Variants in PLCG2 observed in about 807,000 individuals in gnomAD.
PLCG2 encodes phospholipase C gamma 2, also known as 1-phosphatidylinositol 4,5-bisphosphate phosphodiesterase gamma-2.
PLCG2 carries 69 observed loss-of-function variants against 175.6 expected under a neutral mutation model. That is an observed-to-expected ratio of 0.39 (90% CI 0.32 to 0.48). PLCG2 has a LOEUF of 0.48. PLCG2 is among the 20% of genes least tolerant of loss of function. The probability of loss-of-function intolerance (pLI) is 0.91; values close to 1 mark genes in which losing one functional copy is unlikely to be tolerated. For synonymous variants in PLCG2, 827 were observed against 624.0 expected (o/e 1.33, Z -4.85); for missense variants, 1,798 against 1,650.9 (o/e 1.09, Z -1.54).
At chr16:81,795,223 A>G (rs139764162) in intron 2 of PLCG2, among the ~76,000 whole-genome samples, 390 of 152,326 alleles carry the variant, frequency 2.6e-3, no homozygotes, top group African/African-American at 9.0e-3. Context: ...GGATCGTGAT[A>G]GACGCTAGGA....
intron 2 of PLCG2, among the ~76,000 whole-genome samples, chr16:81,759,445 G>T (rs1341815830): frequency 1.3e-5 from 2 of 152,040 alleles, no homozygotes; most frequent in East Asian, 3.9e-4. Flanking sequence ...GGTAATATCT[G>T]CACTGCTGCA....
intron 1 of PLCG2, among the ~76,000 whole-genome samples, chr16:81,750,237 A>G (rs111423823): frequency 0.033 from 5,061 of 152,086 alleles, 277 homozygotes; most frequent in African/African-American, 0.12. Context: ...GTGAAATTCC[A>G]TCTCTGCTAA....
intron 2 of PLCG2, among the ~76,000 whole-genome samples, chr16:81,764,169 C>T (rs1218226873): frequency 6.6e-6 from 1 of 151,834 alleles, no homozygotes; most frequent in Non-Finnish European, 1.5e-5. Context: ...TGGTGTGAGC[C>T]TGTATCCCTA....
chr16:81,912,033 A>G (rs541092708), intron 18 of PLCG2, among the ~76,000 whole-genome samples: 1 of 151,970 alleles, frequency 6.6e-6, no homozygotes, highest in South Asian at 2.1e-4. Context: ...TCCTGACCTC[A>G]TGATCCACCC....
intron 9 of PLCG2, among the ~76,000 whole-genome samples, chr16:81,884,299 C>T (rs552189514): frequency 6.6e-5 from 10 of 151,822 alleles, no homozygotes; most frequent in Admixed American, 4.6e-4. Flanking sequence ...TGCAGTGAGC[C>T]GAGATTGCGC....
At chr16:81,756,254 C>G (rs1323223613) in intron 2 of PLCG2, among the ~76,000 whole-genome samples, 1 of 152,256 alleles carries the variant, frequency 6.6e-6, no homozygotes, top group Non-Finnish European at 1.5e-5. Flanking sequence ...GCCACTGCCC[C>G]CTACCGCCTT....
intron 12 of PLCG2, 41 bp downstream of exon 12, chr16:81,893,835 A>G (rs1908754387): frequency 7.8e-7 from 1 of 1,276,458 alleles, no homozygotes. Context: ...CTCGCAGCAA[A>G]TTGAGGATAA....
chr16:81,929,844 G>T (rs1667442440), intron 24 of PLCG2, among the ~76,000 whole-genome samples: 1 of 152,248 alleles, frequency 6.6e-6, no homozygotes, highest in Non-Finnish European at 1.5e-5. Flanking sequence ...TTGGGCAGGG[G>T]GGTGCAGGAT....
intron 2 of PLCG2, among the ~76,000 whole-genome samples, chr16:81,758,096 C>G (rs1009957391): frequency 6.6e-6 from 1 of 152,188 alleles, no homozygotes; most frequent in African/African-American, 2.4e-5. Flanking sequence ...CCACCTCAGC[C>G]TCCTGAGTAA....
At chr16:81,760,684 G>A (rs988300261) in intron 2 of PLCG2, among the ~76,000 whole-genome samples, 3 of 151,098 alleles carry the variant, frequency 2.0e-5, no homozygotes, top group African/African-American at 7.3e-5. Flanking sequence ...GTCAAGGTGG[G>A]AGGATCACTT....
chr16:81,823,692 AT>A (rs546942391), intron 2 of PLCG2, among the ~76,000 whole-genome samples: 55 of 144,886 alleles, frequency 3.8e-4, no homozygotes, highest in Non-Finnish European at 5.3e-4. Flanking sequence ...TGCCCAGCTA[AT>A]TTTTTTTTTT....
intron 31 of PLCG2, among the ~76,000 whole-genome samples, chr16:81,951,959 A>G (rs1439894429): frequency 6.6e-6 from 1 of 152,172 alleles, no homozygotes; most frequent in African/African-American, 2.4e-5. Flanking sequence ...TTTTAAAGAG[A>G]CTGATGTTTA....
chr16:81,877,501 T>G (rs1907856893), intron 7 of PLCG2, among the ~76,000 whole-genome samples: 1 of 152,194 alleles, frequency 6.6e-6, no homozygotes. Flanking sequence ...CTCACTGTAC[T>G]GGAGGTTAAA....
rs1244159371 is a variant in PLCG2, at chr16:81,905,359, T to A, written c.1363-44T>A. 5 of 1,406,588 alleles carry A rather than the reference T, an allele frequency of 3.6e-6. No homozygotes were observed. In the Admixed American group the frequency reaches 8.7e-5, roughly 24 times the overall value. 87.1% of individuals were successfully genotyped at this position (1,406,588 alleles called of 1,614,324 possible). A position where few individuals can be genotyped will look rare whatever the true frequency, so the allele number is the denominator to read the frequency against. On this transcript the variant is annotated intron_variant, in intron 14 of 32. Transcript: ENST00000564138. ...AGGCTGCTGGCTCAAAGGCCTAAAC[T>A]TGGGTCTCCATGGAGACAGCCTATG...
chr16:81,957,508 G>T (rs1911622301), intron 32 of PLCG2, among the ~76,000 whole-genome samples: 1 of 152,104 alleles, frequency 6.6e-6, no homozygotes, highest in African/African-American at 2.4e-5. Context: ...CCAAGAATGG[G>T]CTAGTCCAGC....
intron 1 of PLCG2, among the ~76,000 whole-genome samples, chr16:81,782,300 C>G (rs917156987): frequency 9.3e-5 from 14 of 151,052 alleles, no homozygotes; most frequent in African/African-American, 3.2e-4. Context: ...TCAAACTCAG[C>G]CATATTTGTA....
chr16:81,823,307 A>G (rs1904887006), intron 2 of PLCG2, among the ~76,000 whole-genome samples: 1 of 152,248 alleles, frequency 6.6e-6, no homozygotes, highest in East Asian at 1.9e-4. Context: ...TGCAGCAGAG[A>G]GGCTTCCTCT....
intron 5 of PLCG2, among the ~76,000 whole-genome samples, chr16:81,865,379 G>T (rs1039248014): frequency 2.0e-5 from 3 of 152,142 alleles, no homozygotes; most frequent in East Asian, 3.8e-4. Context: ...AGGTGGGAGT[G>T]AGGGAGGGGC....
At chr16:81,761,081 G>T (rs1010216591) in intron 2 of PLCG2, among the ~76,000 whole-genome samples, 1 of 152,246 alleles carries the variant, frequency 6.6e-6, no homozygotes, top group East Asian at 1.9e-4. Context: ...ATTTTTTGTA[G>T]TAACAAGGTT....
Sources: allele counts gnomAD v4.1 joint callset (sites outside exome capture counted in the v4.1 genomes callset), GRCh38; gene constraint gnomAD v4.1.1; transcripts MANE v1.5; gene names NCBI Gene and HGNC (gene_info 2026-07-23, HGNC 2026-07-21).